NAGK: variants seen among roughly 807,000 people sequenced by gnomAD.
The protein encoded by NAGK is N-acetyl-D-glucosamine kinase.
Under a neutral mutation model 42.9 loss-of-function variants are expected in NAGK, and 35 were observed. The observed-to-expected ratio is 0.82, with a 90% CI of 0.62 to 1.08. The LOEUF is 1.08. NAGK is among the 50% of genes least tolerant of loss of function. The pLI, the probability that NAGK is intolerant of heterozygous loss-of-function variation, is 0.00. For missense variants in NAGK, 446 were observed against 446.0 expected, an observed-to-expected ratio of 1.00 and a Z score of 0.00; for synonymous variants, 172 against 176.0, an observed-to-expected ratio of 0.98 and a Z score of 0.18.
In NAGK at chr2:71,073,492, C is replaced by G. The variant is rs1019817379; in HGVS notation, c.477C>G (p.Ile159Met). ...MMGDEGSAYWIAHQAVKIVFD... is the reference protein window; with the variant it reads ...MMGDEGSAYWMAHQAVKIVFD... ...CTCTGCTCCCTGCAGCCTACTGGAT[C>G]GCACACCAAGCAGTGAAAATAGTGT... The change falls in exon 6 of 10, where the codon ATC becomes ATG. Residue 159 changes from isoleucine (I) to methionine (M), a missense_variant. By Grantham distance (10) the Ile-to-Met change is conservative. Coordinates refer to ENST00000244204, the MANE Select transcript of NAGK (RefSeq NM_017567.6). 3 of 1,613,612 alleles carry G rather than the reference C, an allele frequency of 1.9e-6. No homozygotes were observed. The highest frequency in any genetic ancestry group is 2.5e-6 in the Non-Finnish European group (3 of 1,179,522).
chr2:71,077,609 TGG>T lies in NAGK; in HGVS notation c.818_819del (p.Trp273Ter). The T allele has an allele frequency of 6.2e-7, 1 of 1,608,728 alleles. No homozygotes were observed. Among genetic ancestry groups the T allele is most frequent in the African/African-American group, 1.3e-5 (1 of 74,862 alleles). ...GLPILCVGSVWKSWELLKEGF... is the reference protein window; with the variant it reads ...GLPILCVGSVXKSWELLKEGF... ...CCCCATCCTGTGCGTGGGCTCTGTG[TGG>T]AAGAGCTGGGAGCTGCTGAAGGAAG... On this transcript the variant is annotated frameshift_variant, in exon 9 of 10. Coordinates refer to ENST00000244204, the MANE Select transcript of NAGK (RefSeq NM_017567.6). LOFTEE classifies it high-confidence loss of function.
Position 71,078,527 on chromosome 2 carries a change from A to T in NAGK, c.*19A>T. The T allele has an allele frequency of 1.3e-6, 2 of 1,498,312 alleles. No individual in the cohort carries two copies. The highest frequency in any genetic ancestry group is 5.0e-5 in the East Asian group (2 of 40,064). The allele number at this position is 1,498,312 out of a possible 1,614,324, so 92.8% of individuals were successfully genotyped here. ...TTCCTAGGGGGCTGGTCCCGGCTCC[A>T]CCCCCTCCAAGCTCAGTGGACACTG... On this transcript the variant is annotated 3_prime_UTR_variant, in exon 10 of 10. Coordinates refer to ENST00000244204, the MANE Select transcript of NAGK (RefSeq NM_017567.6).
intron 1 of NAGK, 52 bp from the exon 2 acceptor site, chr2:71,070,450 T>G (rs1234175893): frequency 8.6e-6 from 13 of 1,508,762 alleles, no homozygotes; most frequent in South Asian, 2.3e-5. Flanking sequence ...CAAGCTTAGC[T>G]CTCTCTGTGG....
Position 71,075,569 on chromosome 2 carries a change from A to G in NAGK, c.594A>G (p.Leu198=), listed in dbSNP as rs780830086. The G allele has an allele frequency of 6.2e-6, 10 of 1,613,740 alleles. No homozygotes were observed. Among genetic ancestry groups the G allele is most frequent in the Middle Eastern group, 1.7e-4 (1 of 6,060 alleles). The change falls in exon 7 of 10, where the codon CTA becomes CTG. Residue 198 remains leucine, a synonymous_variant. Coordinates refer to ENST00000244204, the MANE Select transcript of NAGK (RefSeq NM_017567.6). ...TCTCCTCTCAGGTGCCAGATCGGCT[A>G]GGGATACTCACTCACCTGTATAGGG... is the stretch of plus-strand genomic sequence containing the variant. ...MFHYFQVPDR[L]GILTHLYRDF... is the part of the protein sequence containing the mutation.
chr2:71,073,509 A>C lies in NAGK; in HGVS notation c.494A>C (p.Lys165Thr). The part of the protein sequence containing the change: ...SAYWIAHQAV[K>T]IVFDSIDNLE... ...TACTGGATCGCACACCAAGCAGTGA[A>C]AATAGTGTTTGACTCCATTGACAAC... is the stretch of plus-strand genomic sequence containing the variant. The change falls in exon 6 of 10, where the codon AAA (lysine) becomes ACA (threonine). Residue 165 changes from lysine (K) to threonine (T), a missense_variant. Lys to Thr is a moderately conservative substitution (Grantham distance 78). Coordinates refer to ENST00000244204, the MANE Select transcript of NAGK (RefSeq NM_017567.6). 6.2e-7 allele frequency: 1 copy of C among 1,614,086 alleles called. No homozygotes were observed. Among genetic ancestry groups the C allele is most frequent in the Non-Finnish European group, 8.5e-7 (1 of 1,179,994 alleles).
In NAGK at chr2:71,072,663, A is replaced by C. The variant is rs1220855625; in HGVS notation, c.378A>C (p.Gly126=). The C allele has an allele frequency of 6.2e-7, 1 of 1,614,118 alleles. No homozygotes were observed. Among genetic ancestry groups the C allele is most frequent in the South Asian group, 1.1e-5 (1 of 91,084 alleles). Residue 126 remains glycine (G), a synonymous_variant, in exon 5 of 10, where the codon GGA becomes GGC. Transcript: ENST00000244204. ...TPDGGVVLIS[G]TGSNCRLINP... The stretch of plus-strand genomic sequence containing the variant: ...CAGGTGGAGTTGTGCTCATATCTGG[A>C]ACAGGCTCCAACTGCAGGCTCATCA...
chr2:71,071,403 G>A (rs908532889), intron 3 of NAGK: 2 of 416,202 alleles, frequency 4.8e-6, no homozygotes, highest in African/African-American at 4.0e-5. Context: ...CCCTCACCTT[G>A]CCCCGCTGCC....
intron 6 of NAGK, 104 bp downstream of exon 6, chr2:71,073,698 T>C: frequency 2.1e-6 from 2 of 951,834 alleles, no homozygotes; most frequent in Non-Finnish European, 3.4e-6. Flanking sequence ...CGGCAGGAAA[T>C]AGGGTGAGTT....
At chr2:71,077,495 T>G in intron 8 of NAGK, 63 bp from the exon 9 acceptor site, 2 of 1,515,986 alleles carry the variant, frequency 1.3e-6, no homozygotes, top group Non-Finnish European at 1.8e-6. Context: ...CATAGGAAAC[T>G]CCCGCCTTCA....
intron 5 of NAGK, 24 bp from the exon 6 acceptor site, chr2:71,073,458 C>G (rs757342668): frequency 1.5e-5 from 23 of 1,550,284 alleles, no homozygotes; most frequent in African/African-American, 2.7e-5. Flanking sequence ...CTCCCATCTT[C>G]TTAGCCCTCT....
At chr2:71,069,179 C>T (rs994102381) in intron 1 of NAGK, 2 of 885,674 alleles carry the variant, frequency 2.3e-6, no homozygotes, top group Non-Finnish European at 2.7e-6. Context: ...ACTAGGTTGT[C>T]CTGATGTCTG....
intron 1 of NAGK, chr2:71,069,685 A>T: frequency 6.5e-6 from 1 of 154,700 alleles, no homozygotes; most frequent in Middle Eastern, 5.2e-4. Context: ...ATGCTTTTGG[A>T]TGTGGAATCT....
At position 71,073,492 on chromosome 2, in the gene NAGK, C is replaced by T. The variant is rs1019817379; in HGVS notation, c.477C>T (p.Ile159=). Residue 159 remains isoleucine, a synonymous_variant, in exon 6 of 10, where the codon ATC becomes ATT. Coordinates refer to ENST00000244204, the MANE Select transcript of NAGK (RefSeq NM_017567.6). ...CTCTGCTCCCTGCAGCCTACTGGAT[C>T]GCACACCAAGCAGTGAAAATAGTGT... ...MMGDEGSAYW[I]AHQAVKIVFD... 14 of 1,613,612 alleles carry T rather than the reference C, an allele frequency of 8.7e-6. No individual in the cohort carries two copies. Among genetic ancestry groups the T allele is most frequent in the East Asian group, 4.5e-5 (2 of 44,890 alleles).
At chr2:71,068,640 GGA>G, upstream of NAGK, 1 of 1,523,666 alleles carries the variant, frequency 6.6e-7, no homozygotes, top group Non-Finnish European at 8.8e-7. Flanking sequence ...TGTCAGGCGG[GGA>G]GAGACGCAAA....
At position 71,076,596 on chromosome 2, in the gene NAGK, T is replaced by C. The variant is rs1197757552; in HGVS notation, c.668-8T>C. 6.2e-7 allele frequency: 1 copy of C among 1,606,584 alleles called. No homozygotes were observed. Among genetic ancestry groups the C allele is most frequent in the Admixed American group, 1.7e-5 (1 of 59,924 alleles). ...ACCAGTTTCCTTCTTCCGTCCTCCC[T>C]ACCCCAGGTGCTCAGCAGGGAGACC... On this transcript the variant is annotated splice_polypyrimidine_tract_variant and splice_region_variant and intron_variant, in intron 7 of 9. Coordinates refer to ENST00000244204, the MANE Select transcript of NAGK (RefSeq NM_017567.6).
chr2:71,078,327 T>C lies in NAGK; in HGVS notation c.854T>C (p.Leu285Pro), dbSNP rs774157725. ...SWELLKEGFLLALTQGREIQA... is the reference protein window; with the variant it reads ...SWELLKEGFLPALTQGREIQA... Reference sequence around the variant, plus strand: ...GTGTTCTTCCCTCCAGGTTTTCTTCTGGCGCTGACCCAGGGCAGAGAGATC... The same window carrying C: ...GTGTTCTTCCCTCCAGGTTTTCTTCCGGCGCTGACCCAGGGCAGAGAGATC... Residue 285 changes from leucine to proline, a missense_variant, in exon 10 of 10, where the codon CTG (leucine) becomes CCG (proline). Transcript: ENST00000244204. 3.7e-6 allele frequency: 6 copies of C among 1,614,166 alleles called. No homozygotes were observed. Among genetic ancestry groups the C allele is most frequent in the East Asian group, 2.2e-5 (1 of 44,882 alleles).
chr2:71,076,696 G>A lies in NAGK; in HGVS notation c.760G>A (p.Asp254Asn). ...CATCGTAGCAGTGTTGCCCGAGATT[G>A]ACCCGGTGAGTTGAGGTGGGAGTGA... ...RHIVAVLPEI[D>N]PVLFQGKIGL... Residue 254 changes from aspartate (D) to asparagine (N), a missense_variant, in exon 8 of 10, where the codon GAC becomes AAC. Asp to Asn is a conservative substitution (Grantham distance 23). Transcript: ENST00000244204. The A allele has an allele frequency of 6.2e-7, 1 of 1,613,300 alleles. No homozygotes were observed. The highest frequency in any genetic ancestry group is 8.5e-7 in the Non-Finnish European group (1 of 1,179,454).
chr2:71,069,154 G>C, intron 1 of NAGK: 1 of 974,328 alleles, frequency 1.0e-6, no homozygotes, highest in South Asian at 4.3e-5. Context: ...AGCTGGAGCA[G>C]CTGCGAGCCA....
Position 71,078,497 on chromosome 2 carries a change from A to T in NAGK, c.1024A>T (p.Thr342Ser), listed in dbSNP as rs1393567063. The T allele has an allele frequency of 6.5e-7, 1 of 1,542,410 alleles. No homozygotes were observed. Among genetic ancestry groups the T allele is most frequent in the Non-Finnish European group, 8.8e-7 (1 of 1,139,758 alleles). ...CAATGCCATTGCCTTCTATTCCTAC[A>T]CCTTTTCCTAGGGGGCTGGTCCCGG... Reference protein sequence around the residue: ...SANAIAFYSYTFS With the variant: ...SANAIAFYSYSFS Residue 342 changes from threonine to serine, a missense_variant, in exon 10 of 10, where the codon ACC (threonine) becomes TCC (serine). By Grantham distance (58) the Thr-to-Ser change is moderately conservative. Coordinates refer to ENST00000244204, the MANE Select transcript of NAGK (RefSeq NM_017567.6).
Sources: allele counts gnomAD v4.1 joint callset, GRCh38; gene constraint gnomAD v4.1.1; transcripts MANE v1.5; gene names NCBI Gene and HGNC (gene_info 2026-07-23, HGNC 2026-07-21).